The following CEMIP2 variants were observed in gnomAD, a reference collection of about 807,000 sequenced individuals.
CEMIP2 encodes cell migration inducing hyaluronidase 2.
In CEMIP2, 79 loss-of-function variants were observed where a neutral mutation model predicts 146.9. The observed-to-expected ratio is 0.54, with a 90% CI of 0.45 to 0.65. The LOEUF (loss-of-function observed/expected upper bound fraction) is 0.65, where lower values mean the gene tolerates loss of function less well. CEMIP2 is among the 30% of genes least tolerant of loss of function. CEMIP2 has a pLI of 0.00. For missense variants in CEMIP2, 1,596 were observed against 1,696.2 expected (o/e 0.94, Z 1.04); for synonymous variants, 601 against 606.3 (o/e 0.99, Z 0.13).
At chr9:71,734,779 C>A in intron 6 of CEMIP2, 27 bp downstream of exon 6, 1 of 1,539,828 alleles carries the variant, frequency 6.5e-7, no homozygotes, top group South Asian at 1.2e-5. Flanking sequence ...GTGTGTTTCC[C>A]AAGAAGTACT....
At chr9:71,764,784 G>A (rs551086837) in intron 1 of CEMIP2, among the ~76,000 whole-genome samples, 5 of 151,662 alleles carry the variant, frequency 3.3e-5, no homozygotes, top group Admixed American at 6.6e-5. Context: ...TAACAGATTC[G>A]CCTAGACAGC....
intron 1 of CEMIP2, among the ~76,000 whole-genome samples, chr9:71,766,341 G>C (rs1824795084): frequency 6.6e-6 from 1 of 152,116 alleles, no homozygotes; most frequent in Non-Finnish European, 1.5e-5. Flanking sequence ...CCAAAGTGCT[G>C]GGATTACAGG....
In CEMIP2 at chr9:71,722,622, A is replaced by T. The variant is rs148648277; in HGVS notation, c.2179-107T>A. On this transcript the variant is annotated intron_variant, in intron 11 of 23. Transcript: ENST00000377044. ...TTAGCTTATCACTTCTACCAAAAAAAGTGGGGCAGGGAATCAACAGCAAAG... is the reference window on the plus strand; with the variant it reads ...TTAGCTTATCACTTCTACCAAAAAATGTGGGGCAGGGAATCAACAGCAAAG... 154 of 850,346 alleles carry T rather than the reference A, an allele frequency of 1.8e-4. No homozygotes were observed. The African/African-American group carries it at 2.2e-3, about 12-fold the overall frequency. The allele number at this position is 850,346 out of a possible 1,614,324, so 52.7% of individuals were successfully genotyped here.
rs567130967 is a variant in CEMIP2, at chr9:71,704,830, G to A, written c.2986-27C>T. 24 of 1,602,708 alleles carry A rather than the reference G, an allele frequency of 1.5e-5. No individual in the cohort carries two copies. In the South Asian group the frequency reaches 2.1e-4, roughly 14 times the overall value. ...TTGAAAAAATAATCAAGAAGTAAAG[G>A]GAAGAGAATGAAAATTTAAACAGCT... is the stretch of plus-strand genomic sequence containing the variant. On this transcript the variant is annotated intron_variant, in intron 17 of 23. Transcript: ENST00000377044.
chr9:71,726,066 T>A (rs202032828), intron 10 of CEMIP2, among the ~76,000 whole-genome samples: 1 of 152,218 alleles, frequency 6.6e-6, no homozygotes, highest in African/African-American at 2.4e-5. Flanking sequence ...TTAAGCAATA[T>A]GGTTTTTATC....
chr9:71,746,165 A>G (rs1448162084), intron 3 of CEMIP2, 36 bp downstream of exon 3: 17 of 1,603,012 alleles, frequency 1.1e-5, no homozygotes, highest in Non-Finnish European at 1.4e-5. Context: ...TTAAAGAGCA[A>G]CCTTGCAGTT....
At chr9:71,729,768 A>C in intron 10 of CEMIP2, 77 bp downstream of exon 10, 1 of 1,457,430 alleles carries the variant, frequency 6.9e-7, no homozygotes, top group South Asian at 1.2e-5. Context: ...CACACATGAC[A>C]TTAAATCCAA....
chr9:71,709,105 C>T (rs957321353), intron 17 of CEMIP2, among the ~76,000 whole-genome samples, 154 bp downstream of exon 17: 2 of 151,992 alleles, frequency 1.3e-5, no homozygotes, highest in East Asian at 1.9e-4. Flanking sequence ...CCTAATGAAT[C>T]GAAAGAAAGA....
At chr9:71,691,277 G>C (rs957602824) in intron 21 of CEMIP2, among the ~76,000 whole-genome samples, 1 of 150,770 alleles carries the variant, frequency 6.6e-6, no homozygotes, top group African/African-American at 2.5e-5. Flanking sequence ...GAGATACACC[G>C]GGCGTGGTGG....
At chr9:71,745,841 A>G (rs1297417642) in intron 3 of CEMIP2, among the ~76,000 whole-genome samples, 1 of 152,188 alleles carries the variant, frequency 6.6e-6, no homozygotes, top group African/African-American at 2.4e-5. Context: ...TACAAATCTG[A>G]ATCTTATTTT....
chr9:71,725,260 T>C (rs138686706), intron 11 of CEMIP2, among the ~76,000 whole-genome samples: 4 of 152,174 alleles, frequency 2.6e-5, no homozygotes, highest in Non-Finnish European at 5.9e-5. Context: ...GTTTAGGTCA[T>C]AACGGATTCG....
intron 12 of CEMIP2, 63 bp from the exon 13 acceptor site, chr9:71,718,142 T>C (rs1056629091): frequency 6.9e-7 from 1 of 1,439,066 alleles, no homozygotes; most frequent in African/African-American, 1.4e-5. Context: ...TAGCTAGTTA[T>C]AAGTTTAAGT....
rs115782260 is a variant in CEMIP2 at position 71,760,913 on chromosome 9, T to G, written c.-13+7444A>C. 4.6e-3 allele frequency among the ~76,000 whole-genome samples: 699 copies of G among 152,350 alleles called. 11 individuals carry two copies. The highest frequency in any genetic ancestry group is 0.016 in the African/African-American group (660 of 41,580). ...TCGGTTTCCTTTTTTCCTATTAATATTTCTCATATTTCTTTTTCTCCTTAA... is the reference window on the plus strand; with the variant it reads ...TCGGTTTCCTTTTTTCCTATTAATAGTTCTCATATTTCTTTTTCTCCTTAA... On this transcript the variant is annotated intron_variant, in intron 1 of 23. Coordinates refer to ENST00000377044, the MANE Select transcript of CEMIP2 (RefSeq NM_013390.3).
intron 1 of CEMIP2, among the ~76,000 whole-genome samples, chr9:71,756,499 CTCTCT>C (rs1824460137): frequency 7.3e-6 from 1 of 137,636 alleles, no homozygotes; most frequent in African/African-American, 2.7e-5. Flanking sequence ...CTCTCTCTCT[CTCTCT>C]CTCACACACA....
intron 4 of CEMIP2, 106 bp downstream of exon 4, chr9:71,744,912 T>C (rs1430057860): frequency 6.3e-6 from 8 of 1,260,180 alleles, no homozygotes; most frequent in Non-Finnish European, 8.8e-6. Flanking sequence ...AGAGTGGCCC[T>C]TCTGATGCCT....
chr9:71,731,627 G>A (rs978418010), intron 7 of CEMIP2, among the ~76,000 whole-genome samples: 65 of 152,082 alleles, frequency 4.3e-4, no homozygotes, highest in Middle Eastern at 3.4e-3. Context: ...GCTATTTGGC[G>A]GGGCTGAGGT....
At chr9:71,701,649 A>T (rs534481838) in intron 18 of CEMIP2, among the ~76,000 whole-genome samples, 1 of 152,296 alleles carries the variant, frequency 6.6e-6, no homozygotes, top group South Asian at 2.1e-4. Context: ...AAATTGCTGT[A>T]TGTAAAGGTA....
chr9:71,741,981 T>C (rs899357366), intron 4 of CEMIP2, among the ~76,000 whole-genome samples: 9 of 152,174 alleles, frequency 5.9e-5, no homozygotes, highest in Non-Finnish European at 1.2e-4. Flanking sequence ...CTGAGAGACA[T>C]GCTCAAACTT....
intron 17 of CEMIP2, among the ~76,000 whole-genome samples, chr9:71,707,933 T>A (rs1269097877): frequency 6.6e-6 from 1 of 152,206 alleles, no homozygotes; most frequent in East Asian, 1.9e-4. Flanking sequence ...ACGCCTGTAA[T>A]CCCAGCATTT....
Sources: allele counts gnomAD v4.1 joint callset (sites outside exome capture counted in the v4.1 genomes callset), GRCh38; gene constraint gnomAD v4.1.1; transcripts MANE v1.5; gene names NCBI Gene and HGNC (gene_info 2026-07-23, HGNC 2026-07-21).